The following SCNN1G variants were observed in gnomAD, a reference collection of about 807,000 sequenced individuals.
SCNN1G encodes the protein epithelial sodium channel subunit gamma.
A neutral mutation model predicts 64.6 loss-of-function variants in SCNN1G; 27 were observed. The observed-to-expected ratio is 0.42, with a 90% confidence interval of 0.31 to 0.58. SCNN1G has a LOEUF of 0.58. Among genes scored for constraint, SCNN1G ranks in the 20% least tolerant of loss-of-function variants. The probability of loss-of-function intolerance (pLI) is 0.18; values close to 1 mark genes in which losing one functional copy is unlikely to be tolerated. For missense variants in SCNN1G, 743 were observed against 823.4 expected (o/e 0.90, Z 1.19); for synonymous variants, 330 against 314.2 (o/e 1.05, Z -0.53).
chr16:23,209,030 T>A (rs1960037617), intron 6 of SCNN1G, among the ~76,000 whole-genome samples: 1 of 152,154 alleles, frequency 6.6e-6, no homozygotes, highest in Non-Finnish European at 1.5e-5. Context: ...CCCATCTGAC[T>A]TTATCTCCAG....
intron 6 of SCNN1G, among the ~76,000 whole-genome samples, chr16:23,208,540 G>A (rs1018517369): frequency 3.3e-5 from 5 of 151,848 alleles, no homozygotes; most frequent in African/African-American, 9.7e-5. Flanking sequence ...TCACCTGAGC[G>A]AGAATCCCAA....
chr16:23,192,418 T>C lies in SCNN1G; in HGVS notation c.685T>C (p.Trp229Arg). 1.9e-6 allele frequency: 3 copies of C among 1,613,344 alleles called. No individual in the cohort carries two copies. Among genetic ancestry groups the C allele is most frequent in the Non-Finnish European group, 2.5e-6 (3 of 1,179,704 alleles). ...FSSGINAIQE[W>R]YKLHYMNIMA... is the part of the protein sequence containing the mutation. ...CTCGGGAATCAATGCCATTCAGGAG[T>C]GGTATAAGCTACACTACATGAACAT... The change falls in exon 4 of 13, where the codon TGG becomes CGG. Residue 229 changes from tryptophan to arginine, a missense_variant. Trp to Arg is a moderately radical substitution (Grantham distance 101). Coordinates refer to ENST00000300061, the MANE Select transcript of SCNN1G (RefSeq NM_001039.4).
intron 7 of SCNN1G, among the ~76,000 whole-genome samples, chr16:23,211,034 T>C (rs1277722720): frequency 6.9e-6 from 1 of 144,360 alleles, no homozygotes; most frequent in East Asian, 1.9e-4. Flanking sequence ...CAAGACCCTG[T>C]CTTTAAAAAT....
At chr16:23,204,334 TAGAG>T (rs755322105) in intron 6 of SCNN1G, among the ~76,000 whole-genome samples, 253 of 15,116 alleles carry the variant, frequency 0.017, 9 homozygotes, top group African/African-American at 0.019. Flanking sequence ...TATATATATA[TAGAG>T]AGAGAGAGAG....
intron 6 of SCNN1G, among the ~76,000 whole-genome samples, chr16:23,202,489 C>T (rs1285394545): frequency 6.6e-6 from 1 of 152,068 alleles, no homozygotes; most frequent in Non-Finnish European, 1.5e-5. Context: ...TCAAGAAGAG[C>T]CAGTCCAGAC....
At chr16:23,204,665 A>G (rs1959961932) in intron 6 of SCNN1G, among the ~76,000 whole-genome samples, 1 of 151,842 alleles carries the variant, frequency 6.6e-6, no homozygotes, top group Non-Finnish European at 1.5e-5. Context: ...GTACTTTTTC[A>G]CATGCAAAAT....
Position 23,197,257 on chromosome 16 carries a change from C to T in SCNN1G, c.914-7C>T, listed in dbSNP as rs779943484. ...TTGGATCACAGCAGGTTGTCTTATC[C>T]TCCCAGGGCTGCAAGTCATTTTGTA... On this transcript the variant is annotated splice_polypyrimidine_tract_variant and splice_region_variant and intron_variant, in intron 5 of 12. Transcript: ENST00000300061. 6.2e-7 allele frequency: 1 copy of T among 1,612,918 alleles called. No homozygotes were observed. Among genetic ancestry groups the T allele is most frequent in the Non-Finnish European group, 8.5e-7 (1 of 1,179,510 alleles).
At chr16:23,206,767 TCACA>T (rs1959998055) in intron 6 of SCNN1G, among the ~76,000 whole-genome samples, 1 of 152,068 alleles carries the variant, frequency 6.6e-6, no homozygotes, top group South Asian at 2.1e-4. Context: ...CCACATCCAC[TCACA>T]CACATCCACA....
intron 6 of SCNN1G, among the ~76,000 whole-genome samples, chr16:23,204,958 G>A (rs892342042): frequency 7.9e-5 from 12 of 152,072 alleles, no homozygotes; most frequent in East Asian, 3.9e-4. Flanking sequence ...GATTATAGGC[G>A]TGCACCACCA....
intron 5 of SCNN1G, among the ~76,000 whole-genome samples, chr16:23,196,818 G>T (rs1959802587): frequency 6.6e-6 from 1 of 152,122 alleles, no homozygotes; most frequent in African/African-American, 2.4e-5. Flanking sequence ...AGCAGGAGTG[G>T]GAGGAGAAGT....
chr16:23,192,004 A>G (rs1233423162), intron 3 of SCNN1G, among the ~76,000 whole-genome samples: 8 of 152,130 alleles, frequency 5.3e-5, no homozygotes, highest in Admixed American at 5.2e-4. Context: ...TTTTGATATG[A>G]TAGGAAATGG....
chr16:23,183,017 C>A (rs956740849), intron 1 of SCNN1G, among the ~76,000 whole-genome samples: 3 of 152,290 alleles, frequency 2.0e-5, no homozygotes, highest in Middle Eastern at 3.4e-3. Context: ...CGCCGTGGCC[C>A]GGAGCACGAA....
chr16:23,202,536 A>G (rs1039384713), intron 6 of SCNN1G, among the ~76,000 whole-genome samples: 3 of 152,168 alleles, frequency 2.0e-5, no homozygotes, highest in African/African-American at 7.2e-5. Context: ...CACAAAAAGG[A>G]GTTTATTTAA....
intron 6 of SCNN1G, among the ~76,000 whole-genome samples, chr16:23,207,265 C>T (rs1354103748): frequency 1.3e-5 from 2 of 152,354 alleles, no homozygotes; most frequent in East Asian, 3.9e-4. Flanking sequence ...GACCCCTCAT[C>T]TGGATGCCAG....
At chr16:23,212,177 G>T in intron 8 of SCNN1G, 26 bp downstream of exon 8, 1 of 1,472,196 alleles carries the variant, frequency 6.8e-7, no homozygotes, top group Non-Finnish European at 9.5e-7. Flanking sequence ...CTCCAGCCTT[G>T]CATGCCCCAG....
chr16:23,209,697 C>T, intron 6 of SCNN1G, 53 bp from the exon 7 acceptor site: 1 of 1,381,538 alleles, frequency 7.2e-7, no homozygotes, highest in Non-Finnish European at 1.0e-6. Context: ...TGCAAAGCCC[C>T]CGCCTGGGTC....
At chr16:23,191,572 T>G (rs974453814) in intron 3 of SCNN1G, among the ~76,000 whole-genome samples, 1 of 152,154 alleles carries the variant, frequency 6.6e-6, no homozygotes, top group Admixed American at 6.5e-5. Flanking sequence ...ACTACAAGAA[T>G]GCATCACCAC....
At chr16:23,214,196 C>T (rs1960124194) in intron 11 of SCNN1G, among the ~76,000 whole-genome samples, 1 of 152,186 alleles carries the variant, frequency 6.6e-6, no homozygotes. Flanking sequence ...TCTCAGTTTC[C>T]ACATCTGCGA....
intron 3 of SCNN1G, 55 bp downstream of exon 3, chr16:23,189,726 T>C (rs534199759): frequency 6.5e-7 from 1 of 1,538,242 alleles, no homozygotes; most frequent in Admixed American, 1.7e-5. Context: ...ATGGGCTGGG[T>C]CCAGGACTCT....
Sources: allele counts gnomAD v4.1 joint callset (sites outside exome capture counted in the v4.1 genomes callset), GRCh38; gene constraint gnomAD v4.1.1; transcripts MANE v1.5; gene names NCBI Gene and HGNC (gene_info 2026-07-23, HGNC 2026-07-21).